Variants in SYNE2 observed in about 807,000 individuals in gnomAD.
The protein encoded by SYNE2 is spectrin repeat containing nuclear envelope protein 2, also known as nesprin-2.
Under a neutral mutation model 856.3 loss-of-function variants are expected in SYNE2, and 431 were observed. The observed-to-expected ratio is 0.50, with a 90% CI of 0.47 to 0.55. The LOEUF is 0.55. Among genes scored for constraint, SYNE2 ranks in the 20% least tolerant of loss-of-function variants. SYNE2 has a pLI of 0.00. For missense variants in SYNE2, 8,129 were observed against 8,023.2 expected (o/e 1.01, Z -0.50); for synonymous variants, 2,923 against 2,872.3 (o/e 1.02, Z -0.56).
At chr14:63,946,720 G>A (rs2096036793) in intron 6 of SYNE2, among the ~76,000 whole-genome samples, 1 of 147,786 alleles carries the variant, frequency 6.8e-6, no homozygotes. Context: ...AAAGTCCTTT[G>A]TAGAATATAT....
At chr14:64,018,042 T>G (rs1325726824) in intron 34 of SYNE2, among the ~76,000 whole-genome samples, 1 of 152,228 alleles carries the variant, frequency 6.6e-6, no homozygotes, top group Non-Finnish European at 1.5e-5. Context: ...TATCATGTAA[T>G]TGTTTTCCTT....
At chr14:64,020,718 T>C (rs1289058756) in intron 35 of SYNE2, among the ~76,000 whole-genome samples, 2 of 152,198 alleles carry the variant, frequency 1.3e-5, no homozygotes, top group Admixed American at 1.3e-4. Context: ...ATTTGCTAGA[T>C]GGAGAAAGAG....
At chr14:63,874,164 G>A (rs986228540) in intron 1 of SYNE2, among the ~76,000 whole-genome samples, 6 of 152,092 alleles carry the variant, frequency 3.9e-5, no homozygotes, top group East Asian at 1.9e-4. Context: ...CTTGCATTAC[G>A]TATCTATGAG....
At chr14:64,081,661 T>C in intron 57 of SYNE2, 81 bp downstream of exon 57, 1 of 1,496,270 alleles carries the variant, frequency 6.7e-7, no homozygotes, top group Non-Finnish European at 9.3e-7. Flanking sequence ...TGGTGCTTTT[T>C]TCCTCCTTTC....
chr14:64,113,311 C>T (rs749422419), intron 65 of SYNE2, 30 bp from the exon 66 acceptor site: 2 of 1,612,746 alleles, frequency 1.2e-6, no homozygotes, highest in Non-Finnish European at 1.7e-6. Flanking sequence ...AAACTTTGGA[C>T]TCCCTGGCTT....
At chr14:64,116,807 A>G (rs923183315) in intron 66 of SYNE2, among the ~76,000 whole-genome samples, 1 of 152,258 alleles carries the variant, frequency 6.6e-6, no homozygotes, top group African/African-American at 2.4e-5. Flanking sequence ...AGAACTAGAA[A>G]CAAAGGGGTA....
intron 10 of SYNE2, among the ~76,000 whole-genome samples, 180 bp from the exon 11 acceptor site, chr14:63,967,529 C>G (rs1211933572): frequency 1.3e-5 from 2 of 152,118 alleles, no homozygotes; most frequent in Non-Finnish European, 2.9e-5. Context: ...TGCTGGTGCC[C>G]AGTTATCACA....
intron 45 of SYNE2, among the ~76,000 whole-genome samples, chr14:64,038,712 G>A (rs1017493818): frequency 5.3e-5 from 8 of 152,236 alleles, no homozygotes; most frequent in East Asian, 1.9e-4. Flanking sequence ...GCGTGGCGGC[G>A]GGCGCCTGCA....
chr14:64,209,819 C>A, intron 102 of SYNE2, 123 bp from the exon 103 acceptor site: 1 of 1,349,598 alleles, frequency 7.4e-7, no homozygotes, highest in Non-Finnish European at 1.0e-6. Flanking sequence ...GTGAATTAGG[C>A]CCTCTGCTGC....
chr14:63,936,028 C>T (rs1319353592), intron 2 of SYNE2, among the ~76,000 whole-genome samples: 3 of 152,124 alleles, frequency 2.0e-5, no homozygotes, highest in African/African-American at 7.2e-5. Context: ...GTGCCCACCA[C>T]CATGCCTGGC....
In SYNE2 at chr14:64,026,612, A is replaced by G. The variant is rs753320009; in HGVS notation, c.6286A>G (p.Arg2096Gly). The change falls in exon 42 of 116, where the codon AGA becomes GGA. Residue 2096 changes from arginine (R) to glycine (G), a missense_variant. Arg to Gly is a moderately radical substitution (Grantham distance 125, BLOSUM62 -2). This residue lies in a region of SYNE2 where 297 missense variants were observed against 380.9 expected (regional missense o/e 0.78). Coordinates refer to ENST00000555002, the MANE Select transcript of SYNE2 (RefSeq NM_182914.3). ...TTTGCTGAAGCCTGAAGGGGATGCC[A>G]GAATAGAGACCATCATGAAGCAGGC... ...IILLKPEGDA[R>G]IETIMKQAES... 8.7e-6 allele frequency: 14 copies of G among 1,613,826 alleles called. No homozygotes were observed. The highest frequency in any genetic ancestry group is 1.1e-5 in the Non-Finnish European group (13 of 1,179,850).
chr14:63,905,015 T>C (rs1292815514), intron 1 of SYNE2, among the ~76,000 whole-genome samples: 1 of 152,186 alleles, frequency 6.6e-6, no homozygotes, highest in African/African-American at 2.4e-5. Flanking sequence ...TTCAGTTTCA[T>C]TCTTCAGCAT....
At chr14:63,990,616 G>T in intron 20 of SYNE2, 47 bp downstream of exon 20, 1 of 1,573,000 alleles carries the variant, frequency 6.4e-7, no homozygotes, top group Non-Finnish European at 8.7e-7. Context: ...CTCTAAAACT[G>T]AGGGGTCACT....
intron 45 of SYNE2, among the ~76,000 whole-genome samples, chr14:64,037,886 G>A (rs1346602111): frequency 6.3e-4 from 95 of 150,914 alleles, no homozygotes; most frequent in Admixed American, 1.2e-3. Context: ...CTGGCCGGGC[G>A]GGGGGCTGAC....
rs147851889 is a variant in SYNE2 at position 63,769,594 on chromosome 14, G to A, written c.-305+7608G>A. 8.4e-3 allele frequency among the ~76,000 whole-genome samples: 1,277 copies of A among 151,520 alleles called. 19 individuals carry two copies. Among genetic ancestry groups the A allele is most frequent in the African/African-American group, 0.029 (1,204 of 41,240 alleles). The stretch of plus-strand genomic sequence containing the variant: ...TGAGACAGGTGAATGGCGTGAACCC[G>A]GGAGGTGGAGTTTGCAGTGAGTCGA... On this transcript the variant is annotated intron_variant, in intron 1 of 23. Transcript: ENST00000674003.
At chr14:63,804,586 C>T (rs1301894192) in intron 1 of SYNE2, among the ~76,000 whole-genome samples, 2 of 152,200 alleles carry the variant, frequency 1.3e-5, no homozygotes, top group South Asian at 4.2e-4. Context: ...CTTTGCCTCC[C>T]GGGTGCAAGC....
intron 2 of SYNE2, among the ~76,000 whole-genome samples, chr14:63,926,002 T>G (rs1472931923): frequency 6.6e-6 from 1 of 151,820 alleles, no homozygotes; most frequent in Non-Finnish European, 1.5e-5. Flanking sequence ...CCATGACACC[T>G]GGCTAATTTT....
Position 64,053,499 on chromosome 14 carries a change from C to T in SYNE2, c.9586C>T (p.Gln3196Ter), listed in dbSNP as rs2097243097. 6 of 1,614,172 alleles carry T rather than the reference C, an allele frequency of 3.7e-6. No homozygotes were observed. The highest frequency in any genetic ancestry group is 5.1e-6 in the Non-Finnish European group (6 of 1,180,030). The change falls in exon 48 of 116, where the codon CAG becomes TAG. Residue 3196 changes from glutamine to a stop codon, truncating the protein, a stop_gained. Coordinates refer to ENST00000555002, the MANE Select transcript of SYNE2 (RefSeq NM_182914.3). LOFTEE classifies it high-confidence loss of function. The part of the protein sequence containing the change: ...QNEKDNCEAF[Q>*]EQVWAEMCSI... ...TGAAAAGGACAATTGTGAAGCATTT[C>T]AGGAGCAAGTTTGGGCAGAAATGTG...
At chr14:63,811,218 A>G (rs1888602858) in intron 1 of SYNE2, among the ~76,000 whole-genome samples, 1 of 152,034 alleles carries the variant, frequency 6.6e-6, no homozygotes, top group Non-Finnish European at 1.5e-5. Context: ...ACAAGACAAA[A>G]TTGGAAACAT....
Sources: gnomAD v4.1 joint callset for allele counts (sites outside exome capture counted in the v4.1 genomes callset) on GRCh38, gnomAD v4.1.1 for gene constraint, gnomAD v4.1.1 regional missense constraint, MANE v1.5 for transcripts, NCBI Gene and HGNC (gene_info 2026-07-23, HGNC 2026-07-21) for gene names.